Variants in PKIB observed in about 807,000 individuals in gnomAD.
PKIB encodes PKI-beta.
PKIB carries 2 observed loss-of-function variants against 4.5 expected under a neutral mutation model. That is an observed-to-expected ratio of 0.44 (90% CI 0.18 to 1.39). PKIB has a LOEUF of 1.39. Among genes scored for constraint, PKIB ranks in the 40% most tolerant of loss-of-function variants. The pLI is 0.27. For synonymous variants in PKIB, 38 were observed against 36.0 expected (o/e 1.06, Z -0.20); for missense variants, 94 against 92.6 (o/e 1.02, Z -0.06).
chr6:122,544,031 A>G (rs919753976), intron 2 of PKIB, among the ~76,000 whole-genome samples: 1 of 152,022 alleles, frequency 6.6e-6, no homozygotes, highest in Admixed American at 6.6e-5. Flanking sequence ...ATATTCATTG[A>G]GAACTAACTC....
intron 3 of PKIB, among the ~76,000 whole-genome samples, chr6:122,594,079 C>A (rs1774093840): frequency 6.6e-6 from 1 of 152,126 alleles, no homozygotes; most frequent in African/African-American, 2.4e-5. Context: ...ATACAACTAT[C>A]CTTTGTACAA....
intron 2 of PKIB, among the ~76,000 whole-genome samples, chr6:122,537,630 AATAAAC>A (rs1323847356): frequency 6.6e-6 from 1 of 152,186 alleles, no homozygotes; most frequent in East Asian, 1.9e-4. Flanking sequence ...ATAGTGCCAC[AATAAAC>A]ATACGTGTGC....
chr6:122,628,719 AT>A (rs35836472), intron 1 of PKIB, among the ~76,000 whole-genome samples: 50,108 of 152,022 alleles, frequency 0.33, 9,088 homozygotes, highest in Middle Eastern at 0.43. Flanking sequence ...TTGCCTGCTA[AT>A]TCAATCTTAA....
intron 4 of PKIB, among the ~76,000 whole-genome samples, chr6:122,723,505 AATAC>A (rs902861737): frequency 5.9e-5 from 9 of 152,126 alleles, no homozygotes; most frequent in African/African-American, 2.2e-4. Flanking sequence ...TCTATCAGTG[AATAC>A]TGTCAGCTCT....
At chr6:122,672,559 A>G (rs1260117971) in intron 2 of PKIB, among the ~76,000 whole-genome samples, 1 of 151,934 alleles carries the variant, frequency 6.6e-6, no homozygotes, top group East Asian at 1.9e-4. Flanking sequence ...TTTTCTCTTG[A>G]TTTAGTTGTA....
At chr6:122,577,961 C>T (rs1045803591) in intron 2 of PKIB, among the ~76,000 whole-genome samples, 4 of 148,800 alleles carry the variant, frequency 2.7e-5, no homozygotes, top group African/African-American at 7.4e-5. Context: ...ATTTAGAACA[C>T]ATTAACTGGG....
intron 2 of PKIB, among the ~76,000 whole-genome samples, chr6:122,673,793 TA>T (rs1777558177): frequency 6.6e-6 from 1 of 152,222 alleles, no homozygotes; most frequent in East Asian, 1.9e-4. Context: ...TCAAAAGGCT[TA>T]AAAAAATGTG....
intron 2 of PKIB, among the ~76,000 whole-genome samples, chr6:122,517,473 A>T (rs1776797071): frequency 6.6e-6 from 1 of 152,214 alleles, no homozygotes; most frequent in African/African-American, 2.4e-5. Context: ...ATGAGCTGAA[A>T]ATGTTTTCTG....
At chr6:122,592,832 G>A (rs2114727198) in intron 3 of PKIB, among the ~76,000 whole-genome samples, 1 of 152,300 alleles carries the variant, frequency 6.6e-6, no homozygotes, top group Non-Finnish European at 1.5e-5. Context: ...TAGTGATCTT[G>A]TGAAATGCAG....
chr6:122,497,278 A>G (rs1228124802), intron 2 of PKIB, among the ~76,000 whole-genome samples: 1 of 152,232 alleles, frequency 6.6e-6, no homozygotes, highest in Non-Finnish European at 1.5e-5. Context: ...ATCACACTTA[A>G]GTATATAGCC....
At chr6:122,714,021 T>C (rs986132625) in intron 3 of PKIB, among the ~76,000 whole-genome samples, 2 of 152,226 alleles carry the variant, frequency 1.3e-5, no homozygotes, top group African/African-American at 4.8e-5. Context: ...TCAGATACTT[T>C]TTTTCTTGTT....
intron 2 of PKIB, among the ~76,000 whole-genome samples, chr6:122,583,167 A>G (rs1395094935): frequency 2.0e-5 from 3 of 152,064 alleles, no homozygotes; most frequent in Non-Finnish European, 4.4e-5. Context: ...ACGAAGCTTT[A>G]GTGAAGATTA....
chr6:122,490,010 G>A (rs1775892908), intron 2 of PKIB, among the ~76,000 whole-genome samples: 1 of 152,314 alleles, frequency 6.6e-6, no homozygotes, highest in East Asian at 1.9e-4. Flanking sequence ...GCTTTTGATA[G>A]TGTTTGATAT....
intron 3 of PKIB, among the ~76,000 whole-genome samples, chr6:122,702,159 A>G (rs1778838327): frequency 6.6e-6 from 1 of 152,054 alleles, no homozygotes; most frequent in Non-Finnish European, 1.5e-5. Context: ...CCTCACATTG[A>G]GTGTGCAAAT....
chr6:122,698,108 A>G (rs1778647447), intron 3 of PKIB, among the ~76,000 whole-genome samples: 1 of 152,160 alleles, frequency 6.6e-6, no homozygotes, highest in Non-Finnish European at 1.5e-5. Context: ...TATCAGGGAC[A>G]TCTTGGTTAA....
intron 3 of PKIB, among the ~76,000 whole-genome samples, chr6:122,598,775 C>G (rs1388431789): frequency 2.6e-5 from 4 of 152,112 alleles, no homozygotes; most frequent in Non-Finnish European, 5.9e-5. Context: ...ATCCATATTT[C>G]AGCTAACCAA....
At chr6:122,597,075 G>C (rs1774202539) in intron 3 of PKIB, among the ~76,000 whole-genome samples, 1 of 152,146 alleles carries the variant, frequency 6.6e-6, no homozygotes, top group Non-Finnish European at 1.5e-5. Context: ...TGGACCCCTA[G>C]AAATTTTACT....
chr6:122,655,688 C>T (rs1040199328), intron 2 of PKIB, among the ~76,000 whole-genome samples: 1 of 152,086 alleles, frequency 6.6e-6, no homozygotes, highest in Non-Finnish European at 1.5e-5. Flanking sequence ...AATAAAAGTA[C>T]ACATATATAG....
intron 1 of PKIB, among the ~76,000 whole-genome samples, chr6:122,611,266 T>C (rs914145655): frequency 2.0e-5 from 3 of 152,194 alleles, no homozygotes; most frequent in African/African-American, 7.2e-5. Context: ...TGACCCTGCC[T>C]TGCAGCAGGT....
Sources: allele counts gnomAD v4.1 joint callset (sites outside exome capture counted in the v4.1 genomes callset), GRCh38; gene constraint gnomAD v4.1.1; transcripts MANE v1.5; gene names NCBI Gene and HGNC (gene_info 2026-07-23, HGNC 2026-07-21).